The following LRCH1 variants were observed in gnomAD, a reference collection of about 807,000 sequenced individuals.
The protein encoded by LRCH1 is leucine-rich repeat and calponin homology domain-containing protein 1.
LRCH1 carries 23 observed loss-of-function variants against 94.9 expected under a neutral mutation model. That is an observed-to-expected ratio of 0.24 (90% CI 0.17 to 0.34). LRCH1 has a LOEUF of 0.34. LRCH1 is among the 10% of genes least tolerant of loss of function. LRCH1 has a pLI of 1.00. For synonymous variants in LRCH1, 364 were observed against 354.9 expected, an observed-to-expected ratio of 1.03 and a Z score of -0.29; for missense variants, 790 against 945.9, an observed-to-expected ratio of 0.84 and a Z score of 2.16.
chr13:46,746,628 T>G (rs1873923037), downstream of LRCH1, among the ~76,000 whole-genome samples: 1 of 152,220 alleles, frequency 6.6e-6, no homozygotes, highest in South Asian at 2.1e-4. Flanking sequence ...TAAATTCATT[T>G]CAAGTCAATA....
At chr13:46,731,531 TAAA>T in intron 18 of LRCH1, among the ~76,000 whole-genome samples, 1 of 152,246 alleles carries the variant, frequency 6.6e-6, no homozygotes, top group East Asian at 1.9e-4. Context: ...TCGCCCAGCC[TAAA>T]ATTCTTCATA....
chr13:46,686,629 C>T (rs1379862624), intron 5 of LRCH1, among the ~76,000 whole-genome samples: 1 of 152,072 alleles, frequency 6.6e-6, no homozygotes, highest in East Asian at 1.9e-4. Flanking sequence ...GGCAGGAGGG[C>T]AGGAGAGGTC....
rs188335546 is a variant in LRCH1, at chr13:46,618,520, T to C, written c.308-31681T>C. Among the ~76,000 whole-genome samples, 66 of 152,360 alleles carry C rather than the reference T, an allele frequency of 4.3e-4. 1 individual carries two copies. Among genetic ancestry groups the C allele is most frequent in the Admixed American group, 8.5e-4 (13 of 15,310 alleles). On this transcript the variant is annotated intron_variant, in intron 1 of 19. Transcript: ENST00000389797. ...GTGCTGTCTTGCACTGAATTTTGCA[T>C]TGGTATTTTTCCCTTAATAGTGGCT...
chr13:46,696,819 C>T (rs1871219768), intron 9 of LRCH1, among the ~76,000 whole-genome samples: 1 of 152,102 alleles, frequency 6.6e-6, no homozygotes, highest in Non-Finnish European at 1.5e-5. Flanking sequence ...CCTGTAATCC[C>T]CCACTTTGGG....
intron 2 of LRCH1, among the ~76,000 whole-genome samples, chr13:46,660,883 C>T (rs2051439510): frequency 2.6e-5 from 4 of 152,080 alleles, no homozygotes; most frequent in Admixed American, 2.6e-4. Context: ...TCCTAGTGAC[C>T]CTCAAATTCC....
chr13:46,668,990 CT>C (rs1392822797), intron 2 of LRCH1, 39 bp from the exon 3 acceptor site: 2 of 1,610,826 alleles, frequency 1.2e-6, no homozygotes, highest in Non-Finnish European at 1.7e-6. Context: ...ATGAAGTGGC[CT>C]TTCTGTTTAC....
intron 7 of LRCH1, among the ~76,000 whole-genome samples, 163 bp downstream of exon 7, chr13:46,689,359 A>G (rs542895226): frequency 1.3e-5 from 2 of 152,290 alleles, no homozygotes; most frequent in African/African-American, 4.8e-5. Flanking sequence ...TCGAAGTGTT[A>G]TATAAATATT....
intron 3 of LRCH1, among the ~76,000 whole-genome samples, chr13:46,675,107 A>G (rs994090258): frequency 1.3e-5 from 2 of 152,186 alleles, no homozygotes; most frequent in African/African-American, 4.8e-5. Flanking sequence ...ATCTCATTTT[A>G]CTCATTAAAA....
At position 46,744,646 on chromosome 13, in the gene LRCH1, A is replaced by G; in HGVS notation, c.*2798A>G. On this transcript the variant is annotated 3_prime_UTR_variant, in exon 20 of 20. Coordinates refer to ENST00000389797, the MANE Select transcript of LRCH1 (RefSeq NM_001164211.2). ...TATTTGTTTGTAAGAAATTAAAACT[A>G]GCGCGTGGTGAGCTGGGTTATCTCT... 1.0e-6 allele frequency: 1 copy of G among 985,448 alleles called. No homozygotes were observed. Among genetic ancestry groups the G allele is most frequent in the African/African-American group, 1.7e-5 (1 of 57,374 alleles). The allele number at this position is 985,448 out of a possible 1,614,324, so 61.0% of individuals were successfully genotyped here.
intron 16 of LRCH1, among the ~76,000 whole-genome samples, chr13:46,722,292 G>T (rs1048418697): frequency 2.0e-5 from 3 of 152,102 alleles, no homozygotes; most frequent in Non-Finnish European, 4.4e-5. Flanking sequence ...CTGAAAGTCT[G>T]TGGGATGGGG....
At chr13:46,653,158 G>A (rs1291120557) in intron 2 of LRCH1, among the ~76,000 whole-genome samples, 1 of 152,152 alleles carries the variant, frequency 6.6e-6, no homozygotes, top group Non-Finnish European at 1.5e-5. Flanking sequence ...AAAGAATATA[G>A]GAAGAGGCTG....
intron 19 of LRCH1, among the ~76,000 whole-genome samples, chr13:46,737,150 GT>G (rs1397044122): frequency 1.3e-5 from 2 of 152,140 alleles, no homozygotes; most frequent in African/African-American, 4.8e-5. Flanking sequence ...CCACTGTGTG[GT>G]TTCTCTAATA....
At chr13:46,556,702 A>G (rs185630148) in intron 1 of LRCH1, among the ~76,000 whole-genome samples, 26 of 152,302 alleles carry the variant, frequency 1.7e-4, no homozygotes, top group Non-Finnish European at 3.1e-4. Context: ...GAGATGGTCA[A>G]CCGGTGATTG....
chr13:46,604,621 T>C (rs915122635), intron 1 of LRCH1, among the ~76,000 whole-genome samples: 2 of 152,266 alleles, frequency 1.3e-5, no homozygotes, highest in African/African-American at 4.8e-5. Flanking sequence ...GGTCTTGTTC[T>C]GCCCTCAGCC....
At chr13:46,616,875 T>C (rs1263648023) in intron 1 of LRCH1, among the ~76,000 whole-genome samples, 4 of 152,150 alleles carry the variant, frequency 2.6e-5, no homozygotes, top group Non-Finnish European at 5.9e-5. Flanking sequence ...AAGAGCAATG[T>C]TTTGCGGGCA....
chr13:46,665,656 CAAAG>C (rs2051504998), intron 2 of LRCH1, among the ~76,000 whole-genome samples: 1 of 152,146 alleles, frequency 6.6e-6, no homozygotes, highest in Non-Finnish European at 1.5e-5. Flanking sequence ...GGGACAGTGA[CAAAG>C]AGACAGGTTT....
chr13:46,666,169 T>G (rs2051512667), intron 2 of LRCH1, among the ~76,000 whole-genome samples: 1 of 152,182 alleles, frequency 6.6e-6, no homozygotes, highest in African/African-American at 2.4e-5. Context: ...TTAACTACAG[T>G]GTAAACAAGA....
At chr13:46,617,563 T>A (rs2050825627) in intron 1 of LRCH1, among the ~76,000 whole-genome samples, 1 of 152,222 alleles carries the variant, frequency 6.6e-6, no homozygotes. Flanking sequence ...TGAACAAGGT[T>A]CTCGCAGGGG....
At chr13:46,647,008 G>C (rs533721522) in intron 1 of LRCH1, among the ~76,000 whole-genome samples, 1 of 151,944 alleles carries the variant, frequency 6.6e-6, no homozygotes, top group East Asian at 1.9e-4. Context: ...AGCTACTGAG[G>C]AGGCTGAGGC....
Sources: allele counts gnomAD v4.1 joint callset (sites outside exome capture counted in the v4.1 genomes callset), GRCh38; gene constraint gnomAD v4.1.1; transcripts MANE v1.5; gene names NCBI Gene and HGNC (gene_info 2026-07-23, HGNC 2026-07-21).